Variants in PHKA2 observed in about 807,000 individuals in gnomAD.
PHKA2 encodes the protein phosphorylase b kinase regulatory subunit alpha, liver isoform.
PHKA2 carries 31 observed loss-of-function variants against 102.0 expected under a neutral mutation model. The ratio of observed to expected loss-of-function variants is 0.30; its 90% CI spans 0.23 to 0.41. The LOEUF (loss-of-function observed/expected upper bound fraction) is 0.41. PHKA2 is among the 10% of genes least tolerant of loss of function. The probability of loss-of-function intolerance (pLI) is 1.00; values close to 1 mark genes in which losing one functional copy is unlikely to be tolerated. For synonymous variants in PHKA2, 455 were observed against 416.2 expected (o/e 1.09, Z -1.13); for missense variants, 858 against 1,023.1 (o/e 0.84, Z 2.20).
At chrX:18,906,144 G>T (rs188219352) in intron 25 of PHKA2, among the ~76,000 whole-genome samples, 1 of 112,364 alleles carries the variant, frequency 8.9e-6, no homozygotes, top group African/African-American at 3.2e-5. Flanking sequence ...ATTCAAATTG[G>T]TAGGGTTTCT....
intron 21 of PHKA2, among the ~76,000 whole-genome samples, chrX:18,908,361 G>A (rs747300640): frequency 8.9e-6 from 1 of 112,411 alleles, no homozygotes; most frequent in Admixed American, 9.4e-5. Context: ...ATCATGACCT[G>A]GGCTGGCTAG....
chrX:18,936,855 G>T (rs2048401768), intron 10 of PHKA2, among the ~76,000 whole-genome samples: 1 of 111,928 alleles, frequency 8.9e-6, no homozygotes, highest in African/African-American at 3.3e-5. Context: ...AGGTGTAGAA[G>T]GGTAGTAGAT....
chrX:18,927,158 A>G (rs766249913), intron 13 of PHKA2, among the ~76,000 whole-genome samples: 2 of 111,619 alleles, frequency 1.8e-5, no homozygotes, highest in Admixed American at 9.4e-5. Flanking sequence ...ACCCCCGCAC[A>G]GGGCCCCACC....
In PHKA2 at chrX:18,912,426, G is replaced by T. The variant is rs776382742; in HGVS notation, c.2138-1466C>A. Among the ~76,000 whole-genome samples the T allele has an allele frequency of 2.1e-3, 231 of 111,397 alleles. No individual in the cohort carries two copies. The Middle Eastern group carries it at 0.023, about 11-fold the overall frequency. On this transcript the variant is annotated intron_variant, in intron 19 of 32. Transcript: ENST00000379942. The stretch of plus-strand genomic sequence containing the variant: ...CCTGTACTGAATACTGTAGGTAACT[G>T]TAACACAATAGTATTTGTGTGTCTA...
chrX:18,980,354 T>A (rs949231519), intron 1 of PHKA2, among the ~76,000 whole-genome samples: 1 of 112,572 alleles, frequency 8.9e-6, no homozygotes, highest in Non-Finnish European at 1.9e-5. Flanking sequence ...GTCTCCTGCC[T>A]GCCCCTGGGA....
chrX:18,909,935 C>T (rs921306884), intron 20 of PHKA2, among the ~76,000 whole-genome samples: 10 of 112,067 alleles, frequency 8.9e-5, no homozygotes, highest in African/African-American at 2.6e-4. Context: ...GCAAAACAAA[C>T]GCAAAAAGGA....
intron 1 of PHKA2, among the ~76,000 whole-genome samples, chrX:18,980,699 G>A (rs976168744): frequency 9.0e-6 from 1 of 111,689 alleles, no homozygotes; most frequent in Non-Finnish European, 1.9e-5. Flanking sequence ...CTCAGAGACC[G>A]GTGCCGGTGC....
intron 30 of PHKA2, 74 bp downstream of exon 30, chrX:18,897,089 T>C (rs1389029071): frequency 2.7e-6 from 3 of 1,112,676 alleles, no homozygotes; most frequent in Non-Finnish European, 3.7e-6. Flanking sequence ...TTTGCTCGCC[T>C]GGAGGTGCCA....
chrX:18,894,098 T>C (rs1484301465), intron 32 of PHKA2, 106 bp downstream of exon 32: 5 of 752,913 alleles, frequency 6.6e-6, no homozygotes, highest in African/African-American at 2.1e-5. Flanking sequence ...CCCCATCATC[T>C]GTGATGACAT....
intron 1 of PHKA2, among the ~76,000 whole-genome samples, chrX:18,982,824 A>G (rs777401936): frequency 8.9e-6 from 1 of 111,945 alleles, no homozygotes; most frequent in Non-Finnish European, 1.9e-5. Context: ...ACAGAGTGAG[A>G]CCCTGTCTCA....
chrX:18,901,773 T>C (rs1278756879), intron 26 of PHKA2, among the ~76,000 whole-genome samples, 170 bp from the exon 27 acceptor site: 1 of 107,447 alleles, frequency 9.3e-6, no homozygotes, highest in African/African-American at 3.4e-5. Context: ...CTTAAAGGAG[T>C]AAACGGAAGT....
intron 5 of PHKA2, 24 bp from the exon 6 acceptor site, chrX:18,945,182 C>A: frequency 9.9e-7 from 1 of 1,012,839 alleles, no homozygotes; most frequent in South Asian, 1.9e-5. Context: ...AGGTGGGAAT[C>A]AGAGGGGAGA....
At chrX:18,961,616 C>T (rs1043631355) in intron 1 of PHKA2, among the ~76,000 whole-genome samples, 9 of 100,854 alleles carry the variant, frequency 8.9e-5, no homozygotes, top group African/African-American at 3.3e-4. Context: ...TGAGACGGTG[C>T]CACACTGCAC....
intron 4 of PHKA2, among the ~76,000 whole-genome samples, chrX:18,949,116 G>C (rs2048634713): frequency 9.0e-6 from 1 of 111,253 alleles, no homozygotes; most frequent in Non-Finnish European, 1.9e-5. Context: ...CTCTGGTACA[G>C]GTTGGATTGA....
chrX:18,928,289 G>C (rs2048248842), intron 13 of PHKA2, among the ~76,000 whole-genome samples: 1 of 111,510 alleles, frequency 9.0e-6, no homozygotes, highest in Non-Finnish European at 1.9e-5. Flanking sequence ...TGCTGTGACA[G>C]GTGTATCTCA....
intron 5 of PHKA2, among the ~76,000 whole-genome samples, chrX:18,948,067 A>T (rs2048614696): frequency 8.9e-6 from 1 of 111,807 alleles, no homozygotes; most frequent in Non-Finnish European, 1.9e-5. Flanking sequence ...TGCCCGGGTG[A>T]TGGGTGCACC....
rs41311825 is a variant in PHKA2, at chrX:18,896,609, G to A, written c.3282+554C>T. 1,101 of 149,426 alleles carry A rather than the reference G, an allele frequency of 7.4e-3. 5 individuals carry two copies. The highest frequency in any genetic ancestry group is 0.015 in the South Asian group (92 of 6,080). The allele number at this position is 149,426 out of a possible 1,213,427, so 12.3% of individuals were successfully genotyped here. A position where few individuals can be genotyped will look rare whatever the true frequency, so the allele number is the denominator to read the frequency against. ...TGGGAGGGTGGGGCTCAGTCACATC[G>A]CTGAACAGCAGGGACACTACTCCTG... is the stretch of plus-strand genomic sequence containing the variant. On this transcript the variant is annotated intron_variant, in intron 30 of 32. Coordinates refer to ENST00000379942, the MANE Select transcript of PHKA2 (RefSeq NM_000292.3).
chrX:18,944,576 G>C (rs2048548084), intron 6 of PHKA2, among the ~76,000 whole-genome samples: 1 of 111,662 alleles, frequency 9.0e-6, no homozygotes, highest in African/African-American at 3.3e-5. Context: ...GGCTTGAAGA[G>C]TATTTTAAAT....
At chrX:18,940,885 T>G (rs2048479628) in intron 8 of PHKA2, among the ~76,000 whole-genome samples, 1 of 111,779 alleles carries the variant, frequency 8.9e-6, no homozygotes, top group African/African-American at 3.3e-5. Context: ...CTAAAGGGGT[T>G]CCCTTTTTCC....
Sources: allele counts gnomAD v4.1 joint callset (sites outside exome capture counted in the v4.1 genomes callset), GRCh38; gene constraint gnomAD v4.1.1; transcripts MANE v1.5; gene names NCBI Gene and HGNC (gene_info 2026-07-23, HGNC 2026-07-21).